Variants in STK26 observed in about 807,000 individuals in gnomAD.
STK26 encodes the protein serine/threonine-protein kinase 26.
In STK26, 14 loss-of-function variants were observed where a neutral mutation model predicts 34.7. The ratio of observed to expected loss-of-function variants is 0.40; its 90% CI spans 0.27 to 0.63. The LOEUF (loss-of-function observed/expected upper bound fraction) is 0.63, where lower values mean the gene tolerates loss of function less well. STK26 is among the 30% of genes least tolerant of loss of function. STK26 has a pLI of 0.38. For synonymous variants in STK26, 100 were observed against 109.8 expected, an observed-to-expected ratio of 0.91 and a Z score of 0.56; for missense variants, 226 against 309.1, an observed-to-expected ratio of 0.73 and a Z score of 2.02.
At chrX:132,032,705 G>A (rs1463292217) in intron 2 of STK26, among the ~76,000 whole-genome samples, 1 of 110,964 alleles carries the variant, frequency 9.0e-6, no homozygotes, top group African/African-American at 3.3e-5. Flanking sequence ...GGAACAATAG[G>A]GTGTCTAGCC....
At position 132,073,094 on chromosome X, in the gene STK26, G is replaced by A. The variant is rs1353208426; in HGVS notation, c.1226+1G>A. ...AGAAACTAATTGAAAAATTTCAAAA[G>A]TAAGTTGGAAATGTCATTTTAAAAA... is the stretch of plus-strand genomic sequence containing the variant. On this transcript the variant is annotated splice_donor_variant, in intron 11 of 11. Coordinates refer to ENST00000394334, the MANE Select transcript of STK26 (RefSeq NM_016542.4). LOFTEE classifies it high-confidence loss of function. The A allele has an allele frequency of 9.3e-6, 11 of 1,185,267 alleles. No homozygotes were observed. The highest frequency in any genetic ancestry group is 1.2e-5 in the Non-Finnish European group (11 of 882,883).
At chrX:132,072,561 A>AT (rs3215613) in intron 9 of STK26, among the ~76,000 whole-genome samples, 200 bp downstream of exon 9, 36,226 of 109,882 alleles carry the variant, frequency 0.33, 4,859 homozygotes, top group African/African-American at 0.44. Flanking sequence ...CCATATTGGT[A>AT]TTTTTTAAGT....
At chrX:132,064,251 G>A (rs994259686) in intron 4 of STK26, among the ~76,000 whole-genome samples, 1 of 111,952 alleles carries the variant, frequency 8.9e-6, no homozygotes, top group Non-Finnish European at 1.9e-5. Flanking sequence ...AAACAAGGTT[G>A]GCCTACAGAT....
chrX:132,057,765 A>G (rs1022105826), intron 3 of STK26, among the ~76,000 whole-genome samples: 1 of 112,242 alleles, frequency 8.9e-6, no homozygotes, highest in Admixed American at 9.4e-5. Flanking sequence ...AGAATGAATC[A>G]TTAAGCAGCC....
At chrX:132,057,696 G>T (rs1049034858) in intron 3 of STK26, among the ~76,000 whole-genome samples, 1 of 111,540 alleles carries the variant, frequency 9.0e-6, no homozygotes, top group Admixed American at 9.5e-5. Context: ...AAATTTCACT[G>T]CCTGTTTACA....
chrX:132,026,685 C>T (rs749046870), intron 2 of STK26, among the ~76,000 whole-genome samples: 4 of 112,212 alleles, frequency 3.6e-5, no homozygotes, highest in African/African-American at 1.3e-4. Flanking sequence ...TTAAATCTTT[C>T]GTAAGATGTA....
intron 1 of STK26, 50 bp from the exon 2 acceptor site, chrX:132,023,458 C>T: frequency 1.5e-6 from 1 of 675,809 alleles, no homozygotes; most frequent in Non-Finnish European, 2.4e-6. Context: ...CTCCTAGCCC[C>T]GGGCTACGCG....
chrX:132,073,238 G>A (rs1602782774), intron 11 of STK26, 145 bp downstream of exon 11: 2 of 625,160 alleles, frequency 3.2e-6, no homozygotes, highest in African/African-American at 4.6e-5. Flanking sequence ...CTTAAAAATA[G>A]TTTTTGTCTG....
rs145082590 is a variant in STK26, at chrX:132,072,357, G to A, written c.1022G>A (p.Gly341Glu). The part of the protein sequence containing the change: ...KKPDPKKVQN[G>E]AEQDLVQTLS... ...CCTGATCCAAAGAAAGTACAGAATG[G>A]GGCAGTATGTATATGGAGACAATTA... The change falls in exon 9 of 12, where the codon GGG becomes GAG. Residue 341 changes from glycine to glutamate, a missense_variant. Gly to Glu is a moderately conservative substitution (Grantham distance 98). Coordinates refer to ENST00000394334, the MANE Select transcript of STK26 (RefSeq NM_016542.4). 8.4e-7 allele frequency: 1 copy of A among 1,190,901 alleles called. No individual in the cohort carries two copies. The highest frequency in any genetic ancestry group is 1.8e-5 in the South Asian group (1 of 56,290).
intron 2 of STK26, among the ~76,000 whole-genome samples, chrX:132,034,469 GCTAA>G (rs1925971605): frequency 9.3e-6 from 1 of 107,885 alleles, no homozygotes; most frequent in Non-Finnish European, 1.9e-5. Flanking sequence ...ACTACGCCTG[GCTAA>G]CTTTTTGTAT....
chrX:132,044,677 A>C (rs1418751419), intron 2 of STK26, among the ~76,000 whole-genome samples: 2 of 68,426 alleles, frequency 2.9e-5, no homozygotes, highest in Non-Finnish European at 5.4e-5. Flanking sequence ...AGATCTATAT[A>C]TATATATATA....
intron 2 of STK26, among the ~76,000 whole-genome samples, chrX:132,030,156 G>A (rs1434896026): frequency 8.9e-6 from 1 of 111,903 alleles, no homozygotes; most frequent in Non-Finnish European, 1.9e-5. Context: ...TGTATAATAT[G>A]TCTAGCAAAA....
At chrX:132,050,531 A>G (rs943127262) in intron 2 of STK26, among the ~76,000 whole-genome samples, 11 of 111,508 alleles carry the variant, frequency 9.9e-5, no homozygotes, top group Non-Finnish European at 1.7e-4. Flanking sequence ...AGCCTTCCCT[A>G]TACATGGGTT....
At chrX:132,050,968 C>A (rs943116412) in intron 2 of STK26, among the ~76,000 whole-genome samples, 5 of 111,898 alleles carry the variant, frequency 4.5e-5, no homozygotes, top group African/African-American at 1.3e-4. Context: ...GCCCCAGTCT[C>A]AGTAGGCTGA....
intron 2 of STK26, among the ~76,000 whole-genome samples, chrX:132,049,946 T>C (rs1926628503): frequency 9.0e-6 from 1 of 111,691 alleles, no homozygotes; most frequent in South Asian, 3.8e-4. Flanking sequence ...GTTGAATCCT[T>C]CCAGGTCAAA....
intron 3 of STK26, among the ~76,000 whole-genome samples, chrX:132,055,867 C>A (rs1310682934): frequency 1.6e-4 from 18 of 111,894 alleles, no homozygotes; most frequent in Admixed American, 1.6e-3. Context: ...TTCGGATATC[C>A]ATCTATACCT....
chrX:132,029,566 A>G (rs550432491), intron 2 of STK26, among the ~76,000 whole-genome samples: 2 of 110,152 alleles, frequency 1.8e-5, no homozygotes, highest in South Asian at 4.0e-4. Flanking sequence ...CACCACCCCA[A>G]TGAGACACAA....
chrX:132,057,108 C>G, intron 3 of STK26, among the ~76,000 whole-genome samples: 1 of 112,361 alleles, frequency 8.9e-6, no homozygotes, highest in Non-Finnish European at 1.9e-5. Flanking sequence ...GACGCAGAAT[C>G]TGGGTCTGGA....
intron 3 of STK26, among the ~76,000 whole-genome samples, chrX:132,055,102 G>A (rs1023928551): frequency 8.9e-6 from 1 of 111,977 alleles, no homozygotes; most frequent in Admixed American, 9.5e-5. Context: ...TGATGGAGGA[G>A]CAGAAATGCA....
Sources: allele counts gnomAD v4.1 joint callset (sites outside exome capture counted in the v4.1 genomes callset), GRCh38; gene constraint gnomAD v4.1.1; transcripts MANE v1.5; gene names NCBI Gene and HGNC (gene_info 2026-07-23, HGNC 2026-07-21).